The following COL11A1 variants were observed in gnomAD, a reference collection of about 807,000 sequenced individuals.
The protein encoded by COL11A1 is collagen type XI alpha 1 chain.
COL11A1 carries 74 observed loss-of-function variants against 265.2 expected under a neutral mutation model. That is an observed-to-expected ratio of 0.28 (90% CI 0.23 to 0.34). The LOEUF (loss-of-function observed/expected upper bound fraction) is 0.34, where lower values mean the gene tolerates loss of function less well. COL11A1 is among the 10% of genes least tolerant of loss of function. COL11A1 has a pLI of 1.00. For missense variants in COL11A1, 2,165 were observed against 2,263.6 expected (o/e 0.96, Z 0.88); for synonymous variants, 816 against 727.6 (o/e 1.12, Z -1.96).
At chr1:103,040,327 A>G (rs1668711123) in intron 4 of COL11A1, among the ~76,000 whole-genome samples, 1 of 151,224 alleles carries the variant, frequency 6.6e-6, no homozygotes, top group African/African-American at 2.4e-5. Flanking sequence ...AAAAGTACAT[A>G]TTCTCATATT....
intron 4 of COL11A1, among the ~76,000 whole-genome samples, chr1:103,068,667 C>T (rs1671338242): frequency 6.6e-6 from 1 of 150,922 alleles, no homozygotes; most frequent in Non-Finnish European, 1.5e-5. Flanking sequence ...AAAATGGTCC[C>T]TACTTTCAGA....
At chr1:102,935,181 A>G in intron 44 of COL11A1, 68 bp from the exon 45 acceptor site, 1 of 1,299,536 alleles carries the variant, frequency 7.7e-7, no homozygotes, top group Non-Finnish European at 1.1e-6. Flanking sequence ...ATGAAACAGA[A>G]CATTTAGCCT....
At chr1:102,913,593 G>A (rs1430744378) in intron 53 of COL11A1, 44 bp downstream of exon 53, 4 of 1,539,752 alleles carry the variant, frequency 2.6e-6, no homozygotes, top group Non-Finnish European at 3.6e-6. Flanking sequence ...AAAATGCCTT[G>A]AGACTATGTA....
intron 44 of COL11A1, 131 bp downstream of exon 44, chr1:102,938,904 C>T: frequency 1.3e-6 from 1 of 748,242 alleles, no homozygotes; most frequent in Non-Finnish European, 2.3e-6. Flanking sequence ...GATATAACTG[C>T]AGAGGTAATG....
At chr1:103,012,159 AAATT>A (rs1441880042) in intron 14 of COL11A1, among the ~76,000 whole-genome samples, 2 of 152,208 alleles carry the variant, frequency 1.3e-5, no homozygotes, top group East Asian at 3.8e-4. Context: ...ATAGTTTAAG[AAATT>A]AATAGTTGGA....
intron 4 of COL11A1, among the ~76,000 whole-genome samples, chr1:103,050,881 G>C (rs542918133): frequency 6.6e-6 from 1 of 152,178 alleles, no homozygotes; most frequent in South Asian, 2.1e-4. Flanking sequence ...GACACTGTTT[G>C]CCTGGGTATC....
At chr1:103,042,423 G>A (rs1288236817) in intron 4 of COL11A1, among the ~76,000 whole-genome samples, 1 of 151,922 alleles carries the variant, frequency 6.6e-6, no homozygotes, top group Admixed American at 6.6e-5. Flanking sequence ...TTAAATAAAG[G>A]AATACTTGTT....
chr1:102,924,133 A>T (rs1656311738), intron 46 of COL11A1, among the ~76,000 whole-genome samples: 3 of 152,066 alleles, frequency 2.0e-5, no homozygotes, highest in Admixed American at 2.0e-4. Context: ...AGGCAGGAGA[A>T]TGGTGTGAAC....
chr1:103,003,374 T>C (rs1665312229), intron 20 of COL11A1, 106 bp from the exon 21 acceptor site: 1 of 1,218,090 alleles, frequency 8.2e-7, no homozygotes, highest in Non-Finnish European at 1.2e-6. Flanking sequence ...ATAAAAATAT[T>C]TGGACATCTT....
At chr1:102,971,190 A>G (rs909709043) in intron 36 of COL11A1, among the ~76,000 whole-genome samples, 2 of 152,186 alleles carry the variant, frequency 1.3e-5, no homozygotes, top group Non-Finnish European at 2.9e-5. Context: ...TGGAAGCATA[A>G]TGTTTGTGAA....
chr1:102,923,427 A>G (rs572183389), intron 46 of COL11A1, 38 bp from the exon 47 acceptor site: 171 of 1,487,270 alleles, frequency 1.1e-4, no homozygotes, highest in Non-Finnish European at 1.5e-4. Context: ...AAAGTCACTG[A>G]TGTCTTTAAA....
At chr1:102,893,188 G>A (rs1345132289) in intron 57 of COL11A1, among the ~76,000 whole-genome samples, 1 of 152,064 alleles carries the variant, frequency 6.6e-6, no homozygotes, top group Non-Finnish European at 1.5e-5. Context: ...AATAGAAAAA[G>A]CTAAAATGGC....
chr1:102,913,801 G>C, intron 52 of COL11A1, 111 bp from the exon 53 acceptor site: 1 of 958,084 alleles, frequency 1.0e-6, no homozygotes, highest in Non-Finnish European at 1.7e-6. Context: ...TTATCAGATG[G>C]ACAAGTAAAA....
chr1:102,945,755 G>A (rs1402611359), intron 42 of COL11A1, among the ~76,000 whole-genome samples: 1 of 152,004 alleles, frequency 6.6e-6, no homozygotes, highest in African/African-American at 2.4e-5. Context: ...AAAAAAAATA[G>A]AGAAGAAATC....
At chr1:102,940,643 A>G (rs545789056) in intron 42 of COL11A1, among the ~76,000 whole-genome samples, 1 of 152,318 alleles carries the variant, frequency 6.6e-6, no homozygotes, top group Admixed American at 6.5e-5. Flanking sequence ...TATGATACAC[A>G]AAAATAATTA....
At chr1:103,097,263 G>A (rs1167135849) in intron 1 of COL11A1, among the ~76,000 whole-genome samples, 2 of 151,764 alleles carry the variant, frequency 1.3e-5, no homozygotes, top group Non-Finnish European at 2.9e-5. Flanking sequence ...TGTGTTATGT[G>A]TCCCCCGCCT....
intron 43 of COL11A1, 90 bp from the exon 44 acceptor site, chr1:102,939,178 T>C (rs1292312911): frequency 8.8e-7 from 1 of 1,134,482 alleles, no homozygotes; most frequent in East Asian, 2.4e-5. Context: ...TTACCTTTAA[T>C]ATAATTACAT....
chr1:102,906,370 A>G (rs1046547035), intron 54 of COL11A1, among the ~76,000 whole-genome samples: 2 of 152,138 alleles, frequency 1.3e-5, no homozygotes, highest in African/African-American at 4.8e-5. Flanking sequence ...ATAGGTTGCA[A>G]ATAATGTTAG....
chr1:103,013,855 G>C (rs1048357369), intron 13 of COL11A1, among the ~76,000 whole-genome samples: 1 of 151,586 alleles, frequency 6.6e-6, no homozygotes, highest in African/African-American at 2.4e-5. Flanking sequence ...TTTCCTTCCT[G>C]GTCTATCCTT....
Sources: allele counts gnomAD v4.1 joint callset (sites outside exome capture counted in the v4.1 genomes callset), GRCh38; gene constraint gnomAD v4.1.1; transcripts MANE v1.5; gene names NCBI Gene and HGNC (gene_info 2026-07-23, HGNC 2026-07-21).